Variants in RUFY1 observed in about 807,000 individuals in gnomAD.
RUFY1 encodes the protein RUN and FYVE domain containing 1, also known as RUN and FYVE domain-containing protein 1.
Under a neutral mutation model 94.6 loss-of-function variants are expected in RUFY1, and 54 were observed. The observed-to-expected ratio is 0.57, with a 90% confidence interval of 0.46 to 0.72. The LOEUF (loss-of-function observed/expected upper bound fraction) is 0.72, where lower values mean the gene tolerates loss of function less well. Ranked by LOEUF, RUFY1 falls within the 30% of genes least tolerant of loss-of-function variation. The pLI is 0.00. For synonymous variants in RUFY1, 396 were observed against 347.3 expected (o/e 1.14, Z -1.56); for missense variants, 883 against 883.9 (o/e 1.00, Z 0.01).
intron 10 of RUFY1, 114 bp downstream of exon 10, chr5:179,591,855 G>A (rs1581518986): frequency 3.2e-6 from 2 of 628,978 alleles, no homozygotes; most frequent in East Asian, 6.1e-5. Context: ...GTCAGAAGCT[G>A]TTCATTAAAA....
At chr5:179,580,245 A>ATATATTT (rs59300402) in intron 6 of RUFY1, among the ~76,000 whole-genome samples, 7 of 81,684 alleles carry the variant, frequency 8.6e-5, no homozygotes, top group South Asian at 3.7e-4. Flanking sequence ...GTGTGTGTAT[A>ATATATTT]TTTTTTTTTT....
chr5:179,564,458 C>T (rs1581436951), intron 3 of RUFY1, among the ~76,000 whole-genome samples: 2 of 144,410 alleles, frequency 1.4e-5, no homozygotes, highest in African/African-American at 2.6e-5. Flanking sequence ...GTCTCTCTGT[C>T]GCCTAGGCTG....
Position 179,596,553 on chromosome 5 carries a change from C to T in RUFY1, c.1512-9C>T, listed in dbSNP as rs750894970. 4.1e-5 allele frequency: 66 copies of T among 1,613,576 alleles called. No homozygotes were observed. The highest frequency in any genetic ancestry group is 4.1e-5 in the Non-Finnish European group (48 of 1,179,974). On this transcript the variant is annotated splice_polypyrimidine_tract_variant and intron_variant, in intron 12 of 17. Transcript: ENST00000319449. ...GCTTCATTTGCACTCTTGCTGGTGTCGCATCCAGGTTGCAGCACTCGGAGC... is the reference window on the plus strand; with the variant it reads ...GCTTCATTTGCACTCTTGCTGGTGTTGCATCCAGGTTGCAGCACTCGGAGC...
chr5:179,607,826 T>C (rs189456823), intron 17 of RUFY1, among the ~76,000 whole-genome samples, 167 bp downstream of exon 17: 3 of 152,338 alleles, frequency 2.0e-5, no homozygotes, highest in African/African-American at 7.2e-5. Flanking sequence ...TGCAGATGGC[T>C]TTCCATCCTG....
At chr5:179,580,241 G>GTGTGTGTGTGTGTGTATATA (rs149099074) in intron 6 of RUFY1, among the ~76,000 whole-genome samples, 45 of 93,872 alleles carry the variant, frequency 4.8e-4, no homozygotes, top group Admixed American at 1.0e-3. Context: ...GTGTGTGTGT[G>GTGTGTGTGTGTGTGTATATA]TATATTTTTT....
At chr5:179,597,963 G>A (rs1338516450) in intron 13 of RUFY1, among the ~76,000 whole-genome samples, 2 of 152,190 alleles carry the variant, frequency 1.3e-5, no homozygotes, top group Non-Finnish European at 2.9e-5. Context: ...GGCCGAGGCA[G>A]GGAGATCACG....
chr5:179,567,321 C>T (rs1402367498), intron 3 of RUFY1, 140 bp from the exon 4 acceptor site: 2 of 660,982 alleles, frequency 3.0e-6, no homozygotes, highest in Non-Finnish European at 5.3e-6. Flanking sequence ...CATCCCTCCC[C>T]AACCCCAAAC....
intron 14 of RUFY1, among the ~76,000 whole-genome samples, 160 bp downstream of exon 14, chr5:179,598,981 CAA>C (rs1156770430): frequency 6.6e-6 from 1 of 152,176 alleles, no homozygotes; most frequent in African/African-American, 2.4e-5. Context: ...GAGCATAAGA[CAA>C]AGACAAATCA....
intron 17 of RUFY1, 93 bp from the exon 18 acceptor site, chr5:179,609,283 A>G (rs1767469827): frequency 5.1e-6 from 7 of 1,362,544 alleles, no homozygotes; most frequent in Non-Finnish European, 6.1e-6. Context: ...ACCCATTCCC[A>G]GCAAATGATG....
chr5:179,585,602 T>C (rs1018568508), intron 7 of RUFY1, among the ~76,000 whole-genome samples, 194 bp from the exon 8 acceptor site: 1 of 152,060 alleles, frequency 6.6e-6, no homozygotes, highest in Non-Finnish European at 1.5e-5. Flanking sequence ...AAAGATTAAA[T>C]TTTCGGGACA....
At chr5:179,592,990 G>GT (rs1765238456) in intron 10 of RUFY1, among the ~76,000 whole-genome samples, 1 of 152,182 alleles carries the variant, frequency 6.6e-6, no homozygotes. Context: ...ACCGTGCAGT[G>GT]AGGAAAAGGG....
chr5:179,570,167 T>C (rs562171993), intron 5 of RUFY1, among the ~76,000 whole-genome samples: 67 of 152,302 alleles, frequency 4.4e-4, no homozygotes, highest in African/African-American at 1.6e-3. Context: ...TGTGAGCCAC[T>C]GTGCCTTGCC....
chr5:179,583,575 C>G (rs573691843), intron 7 of RUFY1, among the ~76,000 whole-genome samples: 17 of 148,364 alleles, frequency 1.1e-4, no homozygotes, highest in African/African-American at 4.2e-4. Flanking sequence ...TGCCACCACA[C>G]TTGGCTAATT....
At position 179,550,720 on chromosome 5, in the gene RUFY1, C is replaced by G. The variant is rs541260898; in HGVS notation, c.151C>G (p.Arg51Gly). The change falls in exon 1 of 18, where the codon CGG becomes GGG. Residue 51 changes from arginine to glycine, a missense_variant. Arg to Gly is a moderately radical substitution (Grantham distance 125, BLOSUM62 -2). Coordinates refer to ENST00000319449, the MANE Select transcript of RUFY1 (RefSeq NM_025158.5). ...CCAGCTGCCCGGCCCAGGCGACCTG[C>G]GGAGCGCAACGAGGCCGCGGGCGGC... ...RSQLPGPGDL[R>G]SATRPRAAEG... 1.5e-4 allele frequency: 216 copies of G among 1,482,756 alleles called. No individual in the cohort carries two copies. The highest frequency in any genetic ancestry group is 1.9e-4 in the Middle Eastern group (1 of 5,382). The allele number at this position is 1,482,756 out of a possible 1,614,324, so 91.8% of individuals were successfully genotyped here. A position where few individuals can be genotyped will look rare whatever the true frequency, so the allele number is the denominator to read the frequency against.
Position 179,580,975 on chromosome 5 carries a change from CA to C in RUFY1, c.926del (p.Asn309IlefsTer10), listed in dbSNP as rs760511123. 11 of 1,606,406 alleles carry C rather than the reference CA, an allele frequency of 6.8e-6. No individual in the cohort carries two copies. Among genetic ancestry groups the C allele is most frequent in the Admixed American group, 3.4e-5 (2 of 58,730 alleles). Reference sequence around the variant, plus strand: ...TGAAAGAATTACTGATGTCCTTGATCAAAAAAATTATGTGGAAGAACTTAAC... The same window carrying C: ...TGAAAGAATTACTGATGTCCTTGATCAAAAAATTATGTGGAAGAACTTAAC... ...EHERITDVLDQKNYVEELNRH... is the reference protein window; with the variant it reads ...EHERITDVLDXKNYVEELNRH... On this transcript the variant is annotated frameshift_variant, in exon 7 of 18. Transcript: ENST00000319449. LOFTEE classifies it high-confidence loss of function.
chr5:179,608,519 C>A, intron 17 of RUFY1: 4 of 985,572 alleles, frequency 4.1e-6, no homozygotes, highest in Non-Finnish European at 4.8e-6. Context: ...AGAAAGGGAT[C>A]TACTCCACCC....
chr5:179,596,604 G>A lies in RUFY1; in HGVS notation c.1554G>A (p.Arg518=), dbSNP rs747164696. ...SERARQGAEE[R]SHKLQQELGG... The stretch of plus-strand genomic sequence containing the variant: ...GGGCGAGGCAGGGGGCTGAGGAGCG[G>A]AGCCACAAGCTGCAGCAGGAGCTGG... Residue 518 remains arginine, a synonymous_variant, in exon 13 of 18, where the codon CGG becomes CGA. Transcript: ENST00000319449. 2 of 1,613,264 alleles carry A rather than the reference G, an allele frequency of 1.2e-6. No homozygotes were observed. Among genetic ancestry groups the A allele is most frequent in the Non-Finnish European group, 1.7e-6 (2 of 1,179,996 alleles).
chr5:179,577,239 T>C, intron 6 of RUFY1, 103 bp downstream of exon 6: 1 of 724,844 alleles, frequency 1.4e-6, no homozygotes. Context: ...TGGCACAGTC[T>C]TGGCTCACTG....
chr5:179,555,544 G>C (rs1396125371), intron 1 of RUFY1: 2 of 323,208 alleles, frequency 6.2e-6, no homozygotes, highest in East Asian at 2.1e-4. Flanking sequence ...TCCAGAGACA[G>C]CACCACCCAG....
Sources: allele counts gnomAD v4.1 joint callset (sites outside exome capture counted in the v4.1 genomes callset), GRCh38; gene constraint gnomAD v4.1.1; transcripts MANE v1.5; gene names NCBI Gene and HGNC (gene_info 2026-07-23, HGNC 2026-07-21).